MAL: variants seen among roughly 807,000 people sequenced by gnomAD.
The protein encoded by MAL is myelin and lymphocyte protein.
Under a neutral mutation model 16.7 loss-of-function variants are expected in MAL, and 5 were observed. That is an observed-to-expected ratio of 0.30 (90% confidence interval 0.16 to 0.63). The LOEUF is 0.63. MAL is among the 30% of genes least tolerant of loss of function. The probability of loss-of-function intolerance (pLI) is 0.82; values close to 1 mark genes in which losing one functional copy is unlikely to be tolerated. For missense variants in MAL, 202 were observed against 195.8 expected, an observed-to-expected ratio of 1.03 and a Z score of -0.19; for synonymous variants, 96 against 85.5, an observed-to-expected ratio of 1.12 and a Z score of -0.67.
intron 1 of MAL, among the ~76,000 whole-genome samples, chr2:95,046,555 G>A (rs2104356935): frequency 1.3e-5 from 2 of 152,310 alleles, no homozygotes; most frequent in Middle Eastern, 3.4e-3. Flanking sequence ...GTCCATCCAC[G>A]GCGAGGAGCG....
At chr2:95,039,411 GGTGA>G (rs1168369463) in intron 1 of MAL, among the ~76,000 whole-genome samples, 15 of 53,028 alleles carry the variant, frequency 2.8e-4, no homozygotes, top group African/African-American at 6.0e-4. Flanking sequence ...TGAGTGAATG[GGTGA>G]GTGAGTGAGT....
intron 1 of MAL, among the ~76,000 whole-genome samples, chr2:95,035,337 T>C (rs944165453): frequency 6.6e-5 from 10 of 152,246 alleles, no homozygotes; most frequent in African/African-American, 2.4e-4. Context: ...ACAGAACCTC[T>C]TGGTTTCTGT....
chr2:95,036,659 G>A (rs1362677902), intron 1 of MAL, among the ~76,000 whole-genome samples: 1 of 152,278 alleles, frequency 6.6e-6, no homozygotes, highest in African/African-American at 2.4e-5. Context: ...GTGAGTAAGA[G>A]AGTGAGTGAC....
chr2:95,044,786 C>T (rs1465413810), intron 1 of MAL, among the ~76,000 whole-genome samples: 3 of 152,316 alleles, frequency 2.0e-5, no homozygotes, highest in East Asian at 3.9e-4. Flanking sequence ...GCGCAGCTGC[C>T]GGAAGCTCAG....
chr2:95,053,579 A>C lies in MAL; in HGVS notation c.*124A>C. On this transcript the variant is annotated 3_prime_UTR_variant, in exon 4 of 4. Transcript: ENST00000309988. ...GAAAAAAGAAAACAACCACCCCCCC[A>C]CTGCCCAAAAAAAAAAGCCCTGCCC... 7.8e-5 allele frequency: 53 copies of C among 681,180 alleles called. No individual in the cohort carries two copies. Among genetic ancestry groups the C allele is most frequent in the Non-Finnish European group, 9.4e-5 (38 of 403,384 alleles). The allele number at this position is 681,180 out of a possible 1,614,324, so 42.2% of individuals were successfully genotyped here.
chr2:95,033,236 G>T (rs1186380740), intron 1 of MAL, among the ~76,000 whole-genome samples: 1 of 152,252 alleles, frequency 6.6e-6, no homozygotes, highest in African/African-American at 2.4e-5. Flanking sequence ...TGTCAGTGGA[G>T]TGGGGCGGGT....
In MAL at chr2:95,039,755, G is replaced by A. The variant is rs1305415836; in HGVS notation, c.94-8204G>A. The stretch of plus-strand genomic sequence containing the variant: ...AGTGAGTGAGTGGGTGAGTGAGCGA[G>A]TGAGTGACTGAGTGAGTGAGGGAAG... On this transcript the variant is annotated intron_variant, in intron 1 of 3. Transcript: ENST00000309988. 7.2e-5 allele frequency among the ~76,000 whole-genome samples: 11 copies of A among 152,074 alleles called. No individual in the cohort carries two copies. In the East Asian group the frequency reaches 1.9e-3, roughly 27 times the overall value.
chr2:95,049,838 A>G (rs1215103341), intron 3 of MAL, 132 bp downstream of exon 3: 2 of 1,321,692 alleles, frequency 1.5e-6, no homozygotes, highest in African/African-American at 1.5e-5. Context: ...CCTTGCCTTC[A>G]TGCCTGGAGC....
intron 1 of MAL, among the ~76,000 whole-genome samples, chr2:95,046,876 GGAGAGAGAGAGAGAAAAGAAAGA>G (rs1397353820): frequency 1.4e-5 from 2 of 142,186 alleles, no homozygotes; most frequent in African/African-American, 5.2e-5. Context: ...AAAGAGAAAG[GGAGAGAGAGAGAGAAAAGAAAGA>G]GAGAGAGAGA....
chr2:95,040,017 T>C (rs899004018), intron 1 of MAL, among the ~76,000 whole-genome samples: 2 of 152,138 alleles, frequency 1.3e-5, no homozygotes, highest in African/African-American at 4.8e-5. Flanking sequence ...TTCATTCTCC[T>C]ACCACCTGGT....
chr2:95,047,868 T>A, intron 1 of MAL, 91 bp from the exon 2 acceptor site: 2 of 1,302,556 alleles, frequency 1.5e-6, no homozygotes, highest in Non-Finnish European at 2.1e-6. Flanking sequence ...GTTTTTGCAC[T>A]CCAGTCACCC....
intron 1 of MAL, among the ~76,000 whole-genome samples, chr2:95,039,731 G>GTGACTGAGTGAGGACTGAGTGAGTGAC: frequency 1.6e-4 from 2 of 12,510 alleles, no homozygotes. Context: ...GAGTGACTGA[G>GTGACTGAGTGAGGACTGAGTGAGTGAC]TGAGTGAGTG....
At chr2:95,041,205 C>T (rs1044045908) in intron 1 of MAL, among the ~76,000 whole-genome samples, 8 of 152,158 alleles carry the variant, frequency 5.3e-5, no homozygotes, top group East Asian at 1.9e-4. Context: ...AAACTCCAGA[C>T]GAATCTCAAG....
Position 95,047,989 on chromosome 2 carries a change from G to A in MAL, c.124G>A (p.Ala42Thr). Residue 42 changes from alanine (A) to threonine (T), a missense_variant, in exon 2 of 4, where the codon GCC (alanine) becomes ACC (threonine). Transcript: ENST00000309988. Reference protein sequence around the residue: ...IFGGLVWILVASSLVPWPLVQ... With the variant: ...IFGGLVWILVTSSLVPWPLVQ... ...CGGGGGCCTGGTGTGGATCCTGGTGGCCTCCTCCCTGGTGCCCTGGCCCCT... is the reference window on the plus strand; with the variant it reads ...CGGGGGCCTGGTGTGGATCCTGGTGACCTCCTCCCTGGTGCCCTGGCCCCT... 1 of 1,613,824 alleles carries A rather than the reference G, an allele frequency of 6.2e-7. No individual in the cohort carries two copies. The highest frequency in any genetic ancestry group is 2.2e-5 in the East Asian group (1 of 44,832).
chr2:95,043,003 G>A (rs1674505909), intron 1 of MAL, among the ~76,000 whole-genome samples: 1 of 152,212 alleles, frequency 6.6e-6, no homozygotes, highest in African/African-American at 2.4e-5. Flanking sequence ...ACACAGCGGG[G>A]CTGGAGGCTC....
rs766676589 is a variant in MAL at position 95,053,365 on chromosome 2, T to C, written c.388-16T>C. On this transcript the variant is annotated splice_polypyrimidine_tract_variant and intron_variant, in intron 3 of 3. Coordinates refer to ENST00000309988, the MANE Select transcript of MAL (RefSeq NM_002371.4). Reference sequence around the variant, plus strand: ...CCCTACACAAACCCATTAACGGCCATTTCTCTTGGTTCCAGGTGTTCTCCT... The same window carrying C: ...CCCTACACAAACCCATTAACGGCCACTTCTCTTGGTTCCAGGTGTTCTCCT... 1 of 1,592,130 alleles carries C rather than the reference T, an allele frequency of 6.3e-7. No individual in the cohort carries two copies. The highest frequency in any genetic ancestry group is 1.1e-5 in the South Asian group (1 of 90,576).
At position 95,040,012 on chromosome 2, in the gene MAL, T is replaced by C. The variant is rs557079262; in HGVS notation, c.94-7947T>C. ...GACCTCCTGCTCTGTGCATATTCAT[T>C]CTCCTACCACCTGGTGCTCGGTGCC... On this transcript the variant is annotated intron_variant, in intron 1 of 3. Coordinates refer to ENST00000309988, the MANE Select transcript of MAL (RefSeq NM_002371.4). Among the ~76,000 whole-genome samples the C allele has an allele frequency of 2.0e-5, 3 of 152,210 alleles. No individual in the cohort carries two copies. The South Asian group carries it at 6.2e-4, about 32-fold the overall frequency.
At chr2:95,031,514 C>G (rs1302290121) in intron 1 of MAL, among the ~76,000 whole-genome samples, 1 of 150,646 alleles carries the variant, frequency 6.6e-6, no homozygotes, top group Non-Finnish European at 1.5e-5. Flanking sequence ...AGGCCACCCT[C>G]TTGATATTTT....
chr2:95,052,847 C>G (rs1377647863), intron 3 of MAL, among the ~76,000 whole-genome samples: 1 of 152,196 alleles, frequency 6.6e-6, no homozygotes, highest in African/African-American at 2.4e-5. Flanking sequence ...AAGTCTGGCT[C>G]TCTCAGCCAC....
Sources: gnomAD v4.1 joint callset for allele counts (sites outside exome capture counted in the v4.1 genomes callset) on GRCh38, gnomAD v4.1.1 for gene constraint, MANE v1.5 for transcripts, NCBI Gene and HGNC (gene_info 2026-07-23, HGNC 2026-07-21) for gene names.